ZBTB7A: variants seen among roughly 807,000 people sequenced by gnomAD.
ZBTB7A encodes zinc finger and BTB domain containing 7A.
ZBTB7A carries 7 observed loss-of-function variants against 26.7 expected under a neutral mutation model. The observed-to-expected ratio is 0.26, with a 90% confidence interval of 0.15 to 0.49. The LOEUF (loss-of-function observed/expected upper bound fraction) is 0.49, where lower values mean the gene tolerates loss of function less well. Among genes scored for constraint, ZBTB7A ranks in the 20% least tolerant of loss-of-function variants. ZBTB7A has a pLI of 0.98. For missense variants in ZBTB7A, 617 were observed against 919.5 expected (o/e 0.67, Z 4.25); for synonymous variants, 452 against 441.0 (o/e 1.02, Z -0.31).
In ZBTB7A at chr19:4,055,128, G is replaced by A. The variant is rs139696487; in HGVS notation, c.105C>T (p.Asp35=). 1.7e-5 allele frequency: 28 copies of A among 1,609,492 alleles called. No homozygotes were observed. The highest frequency in any genetic ancestry group is 2.2e-5 in the Non-Finnish European group (26 of 1,179,654). The change falls in exon 2 of 3, where the codon GAC becomes GAT. Residue 35 remains aspartate (D), a synonymous_variant. Coordinates refer to ENST00000322357, the MANE Select transcript of ZBTB7A (RefSeq NM_015898.4). ...NEQRTQGLLC[D]VVILVEGREF... The stretch of plus-strand genomic sequence containing the variant: ...CGCGGCCCTCCACCAGGATCACCAC[G>A]TCGCACAGCAGGCCCTGCGTCCGCT...
rs757820619 is a variant in ZBTB7A, at chr19:4,048,030, C to G, written c.1477G>C (p.Val493Leu). 3 of 1,515,188 alleles carry G rather than the reference C, an allele frequency of 2.0e-6. No homozygotes were observed. Among genetic ancestry groups the G allele is most frequent in the East Asian group, 5.4e-5 (2 of 36,978 alleles). The allele number at this position is 1,515,188 out of a possible 1,614,324, so 93.9% of individuals were successfully genotyped here. A position where few individuals can be genotyped will look rare whatever the true frequency, so the allele number is the denominator to read the frequency against. ...GGCTTGCGGCCGCGGCGCGAGGGGA[C>G]GCCGTTGCAGCCGTCTTTCTTGAGG... Reference protein sequence around the residue: ...RHLKKDGCNGVPSRRGRKPRV... With the variant: ...RHLKKDGCNGLPSRRGRKPRV... Residue 493 changes from valine (V) to leucine (L), a missense_variant, in exon 3 of 3, where the codon GTC (valine) becomes CTC (leucine). Val to Leu is a conservative substitution (Grantham distance 32). Coordinates refer to ENST00000322357, the MANE Select transcript of ZBTB7A (RefSeq NM_015898.4). The surrounding 1 kb of genome is among the most constrained non-coding windows in gnomAD (Gnocchi z 6.7).
chr19:4,058,535 G>A (rs1003093407), intron 1 of ZBTB7A, among the ~76,000 whole-genome samples: 2 of 151,906 alleles, frequency 1.3e-5, no homozygotes, highest in African/African-American at 4.8e-5. Flanking sequence ...GCCCTCTCCT[G>A]GGAGCCCCTG....
chr19:4,046,342 GTTTT>G lies in ZBTB7A; in HGVS notation c.*1406_*1409del, dbSNP rs750861348. 2 of 257,762 alleles carry G rather than the reference GTTTT, an allele frequency of 7.8e-6. No individual in the cohort carries two copies. Among genetic ancestry groups the G allele is most frequent in the Non-Finnish European group, 1.4e-5 (2 of 139,760 alleles). 16.0% of individuals were successfully genotyped at this position (257,762 alleles called of 1,614,324 possible). On this transcript the variant is annotated 3_prime_UTR_variant, in exon 3 of 3. Transcript: ENST00000322357. ...GAAGTGGATTCTACGTTTGTGGTGG[GTTTT>G]TTTTTTTATTATTTTGTACAAAAAT...
intron 2 of ZBTB7A, among the ~76,000 whole-genome samples, chr19:4,053,582 T>C (rs2040529811): frequency 6.7e-6 from 1 of 150,298 alleles, no homozygotes; most frequent in South Asian, 2.1e-4. Context: ...CGCATGTCGG[T>C]GTGCGTGTGT....
chr19:4,051,512 C>G (rs1254877925), intron 2 of ZBTB7A, among the ~76,000 whole-genome samples: 9 of 152,188 alleles, frequency 5.9e-5, no homozygotes, highest in Admixed American at 5.9e-4. Context: ...GCTCTGTTGC[C>G]CTGAGGGTCA....
At chr19:4,053,884 G>T (rs957571223) in intron 2 of ZBTB7A, 87 bp downstream of exon 2, 2 of 1,473,010 alleles carry the variant, frequency 1.4e-6, no homozygotes, top group South Asian at 2.6e-5. Context: ...TGTGCGTGCG[G>T]TGCAGGGAGA....
At chr19:4,060,270 A>G (rs1431236109) in intron 1 of ZBTB7A, among the ~76,000 whole-genome samples, 4 of 151,852 alleles carry the variant, frequency 2.6e-5, no homozygotes, top group Non-Finnish European at 5.9e-5. Flanking sequence ...GATAAACCAG[A>G]GACAGCCCAC....
intron 1 of ZBTB7A, among the ~76,000 whole-genome samples, chr19:4,058,969 T>C (rs2040611982): frequency 6.6e-6 from 1 of 152,112 alleles, no homozygotes; most frequent in Non-Finnish European, 1.5e-5. Flanking sequence ...TGGGCTCAGA[T>C]GTGGCTGCTG....
At chr19:4,058,765 T>A (rs1400502738) in intron 1 of ZBTB7A, among the ~76,000 whole-genome samples, 2 of 152,156 alleles carry the variant, frequency 1.3e-5, no homozygotes, top group Admixed American at 1.3e-4. Flanking sequence ...ATGGTGTCGG[T>A]CCAGCCGGAC....
At chr19:4,058,312 G>A (rs549953037) in intron 1 of ZBTB7A, among the ~76,000 whole-genome samples, 1 of 152,224 alleles carries the variant, frequency 6.6e-6, no homozygotes, top group African/African-American at 2.4e-5. Flanking sequence ...CCCCAGCTGA[G>A]CTGTTCAGCC....
chr19:4,048,773 T>C lies in ZBTB7A; in HGVS notation c.1263-529A>G, dbSNP rs144171953. Among the ~76,000 whole-genome samples, 1 of 151,908 alleles carries C rather than the reference T, an allele frequency of 6.6e-6. No homozygotes were observed. The highest frequency in any genetic ancestry group is 1.9e-4 in the East Asian group (1 of 5,144). ...AAGGCTGAGGCAGGAGGATCACTTG[T>C]ATCTGGGAGGTGGAGGTTGCAGTGA... On this transcript the variant is annotated intron_variant, in intron 2 of 2. Transcript: ENST00000322357. The surrounding 1 kb of genome is among the most constrained non-coding windows in gnomAD (Gnocchi z 6.7).
In ZBTB7A at chr19:4,045,607, G is replaced by A. The variant is rs1295256568; in HGVS notation, c.*2145C>T. The A allele has an allele frequency of 2.2e-5, 7 of 313,576 alleles. No homozygotes were observed. Among genetic ancestry groups the A allele is most frequent in the Non-Finnish European group, 3.4e-5 (6 of 174,046 alleles). The allele number at this position is 313,576 out of a possible 1,614,324, so 19.4% of individuals were successfully genotyped here. ...GACGAGAAGATGTGTGTGTCACAGA[G>A]AAGGGGGTATGGGGGGGTCGGGGGC... On this transcript the variant is annotated 3_prime_UTR_variant, in exon 3 of 3. Coordinates refer to ENST00000322357, the MANE Select transcript of ZBTB7A (RefSeq NM_015898.4). This position sits in a 1 kb window ranked among gnomAD's most constrained non-coding sequence, Gnocchi z 4.1.
At chr19:4,065,796 AGGCGGGGAGGGGCCCCGG>A (rs1428362574) in intron 1 of ZBTB7A, 1 of 135,266 alleles carries the variant, frequency 7.4e-6, no homozygotes, top group African/African-American at 2.7e-5. Context: ...TTACACAACC[AGGCGGGGAGGGGCCCCGG>A]GGCGGGGAGG....
rs773969745 is a variant in ZBTB7A at position 4,054,810 on chromosome 19, C to G, written c.423G>C (p.Gly141=). 6.3e-7 allele frequency: 1 copy of G among 1,594,104 alleles called. No individual in the cohort carries two copies. Among genetic ancestry groups the G allele is most frequent in the Non-Finnish European group, 8.5e-7 (1 of 1,170,210 alleles). The change falls in exon 2 of 3, where the codon GGG becomes GGC. Residue 141 remains glycine, a synonymous_variant. Coordinates refer to ENST00000322357, the MANE Select transcript of ZBTB7A (RefSeq NM_015898.4). ...CAATTTGATCTACAAGGTCCAGCTG[C>G]CCGGCGTCGGCGCCCGCGTCGGCCG... ...ILAADAGADA[G]QLDLVDQIDQ... is the part of the protein sequence containing the mutation.
intron 2 of ZBTB7A, among the ~76,000 whole-genome samples, chr19:4,053,738 G>C (rs894614303): frequency 2.6e-5 from 4 of 151,774 alleles, no homozygotes; most frequent in Non-Finnish European, 4.4e-5. Flanking sequence ...GTCTGTGCAT[G>C]TGTGTGCATG....
intron 2 of ZBTB7A, 144 bp downstream of exon 2, chr19:4,053,827 G>C (rs528536365): frequency 2.1e-5 from 19 of 915,710 alleles, no homozygotes; most frequent in African/African-American, 1.2e-4. Flanking sequence ...GTCTGTGCGT[G>C]TACGTGTCTG....
intron 2 of ZBTB7A, among the ~76,000 whole-genome samples, chr19:4,053,713 G>A (rs375077625): frequency 2.6e-5 from 4 of 151,814 alleles, no homozygotes; most frequent in African/African-American, 9.7e-5. Flanking sequence ...GTGTGCATGT[G>A]TACGTGGCAT....
chr19:4,060,124 T>A (rs949024466), intron 1 of ZBTB7A, among the ~76,000 whole-genome samples: 2 of 150,044 alleles, frequency 1.3e-5, no homozygotes, highest in Admixed American at 1.3e-4. Context: ...TGGTGCTGAC[T>A]CGGCGGCCGA....
At position 4,047,793 on chromosome 19, in the gene ZBTB7A, C is replaced by T. The variant is rs1360498187; in HGVS notation, c.1714G>A (p.Gly572Arg). The change falls in exon 3 of 3, where the codon GGG (glycine) becomes AGG (arginine). Residue 572 changes from glycine to arginine, a missense_variant. Around this residue, in one of 5 missense-constraint regions of ZBTB7A, gnomAD observed 136 missense variants for 126.6 expected, o/e 1.07. Coordinates refer to ENST00000322357, the MANE Select transcript of ZBTB7A (RefSeq NM_015898.4). ...GTGAAGTTACCGTCGGTGGCGGCCCCGGGGCCACCTCCGCTGTCACCTCCT... is the reference window on the plus strand; with the variant it reads ...GTGAAGTTACCGTCGGTGGCGGCCCTGGGGCCACCTCCGCTGTCACCTCCT... ...GGGGDSGGGP[G>R]AATDGNFTAG... 5 of 1,600,460 alleles carry T rather than the reference C, an allele frequency of 3.1e-6. No individual in the cohort carries two copies. In the African/African-American group the frequency reaches 4.1e-5, roughly 13 times the overall value.
Sources: gnomAD v4.1 joint callset for allele counts (sites outside exome capture counted in the v4.1 genomes callset) on GRCh38, gnomAD v4.1.1 for gene constraint, gnomAD v4.1.1 regional missense constraint, Gnocchi (gnomAD v3.1) non-coding constraint, MANE v1.5 for transcripts, NCBI Gene and HGNC (gene_info 2026-07-23, HGNC 2026-07-21) for gene names.